SPSB4: variants seen among roughly 807,000 people sequenced by gnomAD.
SPSB4 encodes the protein SPRY domain-containing SOCS box protein 4.
A neutral mutation model predicts 20.9 loss-of-function variants in SPSB4; 21 were observed. That is an observed-to-expected ratio of 1.01 (90% CI 0.71 to 1.45). The LOEUF is 1.45. Ranked by LOEUF, SPSB4 falls within the 40% of genes most tolerant of loss-of-function variation. The pLI is 0.00. For synonymous variants in SPSB4, 207 were observed against 183.8 expected (o/e 1.13, Z -1.02); for missense variants, 399 against 399.2 (o/e 1.00, Z 0.00).
chr3:141,146,514 C>A (rs1026884688), intron 2 of SPSB4, among the ~76,000 whole-genome samples: 3 of 152,138 alleles, frequency 2.0e-5, no homozygotes, highest in Non-Finnish European at 4.4e-5. Context: ...CGGTGGCTCA[C>A]GCCTGTAATC....
intron 1 of SPSB4, among the ~76,000 whole-genome samples, chr3:141,065,360 A>G (rs1937843609): frequency 6.6e-6 from 1 of 152,098 alleles, no homozygotes; most frequent in East Asian, 1.9e-4. Context: ...GCCTGGCTAC[A>G]TTTTAGGAGG....
chr3:141,129,729 C>A (rs7647349), intron 2 of SPSB4, among the ~76,000 whole-genome samples: 1 of 152,182 alleles, frequency 6.6e-6, no homozygotes, highest in Non-Finnish European at 1.5e-5. Context: ...CTGGAACATT[C>A]GAATGGAATT....
At chr3:141,067,674 G>A (rs540598884) in intron 2 of SPSB4, among the ~76,000 whole-genome samples, 147 of 152,296 alleles carry the variant, frequency 9.7e-4, no homozygotes, top group African/African-American at 3.5e-3. Context: ...GTCACTCAGG[G>A]AGACAGGGTG....
At chr3:141,060,420 G>A (rs1269374290) in intron 1 of SPSB4, among the ~76,000 whole-genome samples, 4 of 152,202 alleles carry the variant, frequency 2.6e-5, no homozygotes, top group African/African-American at 9.7e-5. Context: ...TAAACAACAT[G>A]GAGGAAGAAG....
chr3:141,075,404 T>C (rs1336036017), intron 2 of SPSB4, among the ~76,000 whole-genome samples: 3 of 151,552 alleles, frequency 2.0e-5, no homozygotes, highest in Admixed American at 1.3e-4. Context: ...AGGTAAGAAC[T>C]GGTCTTCCTG....
chr3:141,055,629 C>G (rs1307159772), intron 1 of SPSB4, among the ~76,000 whole-genome samples: 2 of 152,174 alleles, frequency 1.3e-5, no homozygotes, highest in Non-Finnish European at 2.9e-5. Flanking sequence ...CAGGCAAGTT[C>G]TGAACTAGGG....
chr3:141,084,036 G>T (rs911092706), intron 2 of SPSB4, among the ~76,000 whole-genome samples: 12 of 152,158 alleles, frequency 7.9e-5, no homozygotes, highest in African/African-American at 2.9e-4. Context: ...TCTGTAGAAT[G>T]CGGCTAATAA....
At chr3:141,139,828 C>T (rs1346340863) in intron 2 of SPSB4, among the ~76,000 whole-genome samples, 1 of 152,168 alleles carries the variant, frequency 6.6e-6, no homozygotes, top group African/African-American at 2.4e-5. Flanking sequence ...AGTTGCTCTT[C>T]TTGAGGAGTA....
chr3:141,118,807 G>T (rs970583911), intron 2 of SPSB4, among the ~76,000 whole-genome samples: 4 of 152,156 alleles, frequency 2.6e-5, no homozygotes, highest in Non-Finnish European at 4.4e-5. Context: ...TTGTAGATGT[G>T]TAGTGTTATT....
intron 2 of SPSB4, among the ~76,000 whole-genome samples, chr3:141,096,343 C>A (rs1938547906): frequency 6.6e-6 from 1 of 152,228 alleles, no homozygotes; most frequent in Non-Finnish European, 1.5e-5. Flanking sequence ...CACCTCCCAT[C>A]ATCTGGACCT....
intron 2 of SPSB4, among the ~76,000 whole-genome samples, chr3:141,118,048 T>G (rs1052818630): frequency 7.2e-5 from 11 of 152,230 alleles, no homozygotes; most frequent in African/African-American, 2.4e-4. Flanking sequence ...CAAATGGTAT[T>G]TCTGGTTCTA....
chr3:141,139,242 A>T (rs1217646552), intron 2 of SPSB4, among the ~76,000 whole-genome samples: 2 of 151,944 alleles, frequency 1.3e-5, no homozygotes, highest in Non-Finnish European at 2.9e-5. Context: ...TGCACGTGAG[A>T]TGGGTTTCCT....
chr3:141,094,884 C>A (rs1453912656), intron 2 of SPSB4, among the ~76,000 whole-genome samples: 1 of 151,006 alleles, frequency 6.6e-6, no homozygotes, highest in Non-Finnish European at 1.5e-5. Context: ...CACCCTGTAG[C>A]TGGCTGAGGA....
intron 2 of SPSB4, among the ~76,000 whole-genome samples, chr3:141,089,595 G>A (rs1357054822): frequency 1.3e-5 from 2 of 152,146 alleles, no homozygotes; most frequent in Non-Finnish European, 2.9e-5. Flanking sequence ...GAGCAGAGGT[G>A]GTGTTTTCAA....
rs192525474 is a variant in SPSB4, at chr3:141,118,124, T to C, written c.695-29018T>C. Among the ~76,000 whole-genome samples, 138 of 152,372 alleles carry C rather than the reference T, an allele frequency of 9.1e-4. 1 individual carries two copies. The East Asian group carries it at 0.025, about 27-fold the overall frequency. ...AACTAATTTACACTCCCACCAATGG[T>C]ACAAAAGCATTCCTATTTCTCCACA... On this transcript the variant is annotated intron_variant, in intron 2 of 2. Transcript: ENST00000310546.
At chr3:141,112,411 C>G (rs987093712) in intron 2 of SPSB4, among the ~76,000 whole-genome samples, 17 of 151,586 alleles carry the variant, frequency 1.1e-4, no homozygotes, top group African/African-American at 4.1e-4. Flanking sequence ...TTTGGGAGGC[C>G]GAGGCGGGCG....
Position 141,066,743 on chromosome 3 carries a change from G to T in SPSB4, c.639G>T (p.Val213=). The change falls in exon 2 of 3, where the codon GTG becomes GTT. Residue 213 remains valine, a synonymous_variant. Transcript: ENST00000310546. ...AGGGCAAGAAGCTGTACCCGGTGGT[G>T]AGTGCCGTGTGGGGCCACTGTGAAG... is the stretch of plus-strand genomic sequence containing the variant. ...GLKGKKLYPV[V]SAVWGHCEVT... The T allele has an allele frequency of 1.2e-6, 2 of 1,601,102 alleles. No individual in the cohort carries two copies. Among genetic ancestry groups the T allele is most frequent in the Non-Finnish European group, 8.5e-7 (1 of 1,173,302 alleles).
At chr3:141,067,705 G>A (rs543444655) in intron 2 of SPSB4, among the ~76,000 whole-genome samples, 6 of 152,172 alleles carry the variant, frequency 3.9e-5, no homozygotes, top group East Asian at 1.9e-4. Flanking sequence ...AGAGGCACAC[G>A]TGGCTGCCTG....
At chr3:141,068,765 C>G (rs908649173) in intron 2 of SPSB4, among the ~76,000 whole-genome samples, 13 of 152,352 alleles carry the variant, frequency 8.5e-5, no homozygotes, top group African/African-American at 3.1e-4. Flanking sequence ...TTGTAGGCTT[C>G]CTCTTGGCTA....
Sources: gnomAD v4.1 joint callset for allele counts (sites outside exome capture counted in the v4.1 genomes callset) on GRCh38, gnomAD v4.1.1 for gene constraint, MANE v1.5 for transcripts, NCBI Gene and HGNC (gene_info 2026-07-23, HGNC 2026-07-21) for gene names.